ADAM10: variants seen among roughly 807,000 people sequenced by gnomAD.
ADAM10 encodes disintegrin and metalloproteinase domain-containing protein 10.
ADAM10 carries 17 observed loss-of-function variants against 90.1 expected under a neutral mutation model. The ratio of observed to expected loss-of-function variants is 0.19; its 90% confidence interval spans 0.13 to 0.28. The LOEUF (loss-of-function observed/expected upper bound fraction) is 0.28, where lower values mean the gene tolerates loss of function less well. ADAM10 is among the 10% of genes least tolerant of loss of function. ADAM10 has a pLI of 1.00. For synonymous variants in ADAM10, 310 were observed against 298.6 expected, an observed-to-expected ratio of 1.04 and a Z score of -0.40; for missense variants, 610 against 914.3, an observed-to-expected ratio of 0.67 and a Z score of 4.29.
chr15:58,686,666 A>T, intron 2 of ADAM10: 2 of 716,578 alleles, frequency 2.8e-6, no homozygotes, highest in South Asian at 3.0e-5. Context: ...GCACAAAGTG[A>T]TGAATGACTG....
intron 4 of ADAM10, among the ~76,000 whole-genome samples, chr15:58,676,691 C>T (rs1243808925): frequency 6.6e-6 from 1 of 152,052 alleles, no homozygotes; most frequent in Non-Finnish European, 1.5e-5. Flanking sequence ...GTGGCTTATA[C>T]CTGGAGTCCC....
At chr15:58,640,423 A>G (rs1193364483) in intron 8 of ADAM10, among the ~76,000 whole-genome samples, 3 of 152,128 alleles carry the variant, frequency 2.0e-5, no homozygotes, top group African/African-American at 7.2e-5. Flanking sequence ...TAAGTACCCT[A>G]TTTTGGAGGG....
At chr15:58,646,009 AT>A in intron 6 of ADAM10, 45 bp downstream of exon 6, 1 of 1,604,526 alleles carries the variant, frequency 6.2e-7, no homozygotes, top group African/African-American at 1.3e-5. Flanking sequence ...AATAGGCATT[AT>A]AAAACAATAT....
rs145022783 is a variant in ADAM10 at position 58,739,899 on chromosome 15, G to A, written c.55+9581C>T. ...ATGCCAATATCTGCTGAATGAAAAC[G>A]GGTGCATAACATGTATCCAGAAGTC... is the stretch of plus-strand genomic sequence containing the variant. On this transcript the variant is annotated intron_variant, in intron 1 of 15. Transcript: ENST00000260408. Among the ~76,000 whole-genome samples the A allele has an allele frequency of 1.4e-4, 21 of 152,284 alleles. No individual in the cohort carries two copies. The East Asian group carries it at 3.3e-3, about 24-fold the overall frequency.
At chr15:58,716,483 G>C (rs1337468551) in intron 2 of ADAM10, among the ~76,000 whole-genome samples, 1 of 152,164 alleles carries the variant, frequency 6.6e-6, no homozygotes, top group Non-Finnish European at 1.5e-5. Context: ...AAATGACACA[G>C]AACAAAGTTT....
At chr15:58,743,717 G>A (rs1899691371) in intron 1 of ADAM10, among the ~76,000 whole-genome samples, 1 of 151,868 alleles carries the variant, frequency 6.6e-6, no homozygotes, top group Non-Finnish European at 1.5e-5. Flanking sequence ...CGATTCTCCT[G>A]CCTCAGCTTC....
Position 58,691,141 on chromosome 15 carries a change from A to G in ADAM10, c.207-8827T>C, listed in dbSNP as rs1897772665. 1.6e-5 allele frequency: 11 copies of G among 693,748 alleles called. No homozygotes were observed. The East Asian group carries it at 2.7e-4, about 17-fold the overall frequency. 43.0% of individuals were successfully genotyped at this position (693,748 alleles called of 1,614,324 possible). On this transcript the variant is annotated intron_variant, in intron 2 of 15. Coordinates refer to ENST00000260408, the MANE Select transcript of ADAM10 (RefSeq NM_001110.4). The stretch of plus-strand genomic sequence containing the variant: ...CTGGTCACAATGCGGCAGGGTGAAG[A>G]CACAAGCCTACTGGAGATTGTCACC...
intron 2 of ADAM10, among the ~76,000 whole-genome samples, chr15:58,708,578 G>A (rs775018961): frequency 9.9e-5 from 15 of 152,128 alleles, no homozygotes; most frequent in Non-Finnish European, 2.2e-4. Context: ...TGGGAGGACT[G>A]CTTGAGCTCA....
intron 1 of ADAM10, among the ~76,000 whole-genome samples, chr15:58,720,360 A>G (rs1303704035): frequency 1.3e-5 from 2 of 151,358 alleles, no homozygotes; most frequent in African/African-American, 2.4e-5. Flanking sequence ...AAAACCCACT[A>G]GCATGAAACT....
intron 10 of ADAM10, among the ~76,000 whole-genome samples, chr15:58,625,036 C>T (rs1260389593): frequency 6.6e-6 from 1 of 151,980 alleles, no homozygotes; most frequent in African/African-American, 2.4e-5. Flanking sequence ...AGAAAAACAA[C>T]CACTGACAAT....
chr15:58,613,747 G>A (rs1176560850), intron 11 of ADAM10, among the ~76,000 whole-genome samples: 1 of 151,998 alleles, frequency 6.6e-6, no homozygotes, highest in African/African-American at 2.4e-5. Flanking sequence ...TACTCATTTA[G>A]GGGAAGGAAA....
At position 58,591,596 on chromosome 15, in the gene ADAM10, T is replaced by C. The variant is rs913504198; in HGVS notation, c.*5951A>G. 6.6e-6 allele frequency: 1 copy of C among 152,092 alleles called. No homozygotes were observed. Among genetic ancestry groups the C allele is most frequent in the Admixed American group, 6.5e-5 (1 of 15,274 alleles). 9.4% of individuals were successfully genotyped at this position (152,092 alleles called of 1,614,324 possible). A position where few individuals can be genotyped will look rare whatever the true frequency, so the allele number is the denominator to read the frequency against. Reference sequence around the variant, plus strand: ...AAACTTCTATGAAAAATTTCAAATATAAACACAGGTAGAGAAAATAGTATA... The same window carrying C: ...AAACTTCTATGAAAAATTTCAAATACAAACACAGGTAGAGAAAATAGTATA... On this transcript the variant is annotated 3_prime_UTR_variant, in exon 16 of 16. Coordinates refer to ENST00000260408, the MANE Select transcript of ADAM10 (RefSeq NM_001110.4).
intron 2 of ADAM10, chr15:58,703,733 T>A (rs553938605): frequency 6.6e-6 from 1 of 152,304 alleles, no homozygotes; most frequent in East Asian, 1.9e-4. Context: ...GGGGGCAGAT[T>A]TCCCCCTTGC....
At chr15:58,652,488 TG>T (rs1306128456) in intron 5 of ADAM10, among the ~76,000 whole-genome samples, 1 of 152,216 alleles carries the variant, frequency 6.6e-6, no homozygotes, top group Non-Finnish European at 1.5e-5. Context: ...CACCATTTAT[TG>T]AAGAGATTGT....
chr15:58,610,658 GGCTGGGTAAC>G, intron 13 of ADAM10, 141 bp from the exon 14 acceptor site: 2 of 835,190 alleles, frequency 2.4e-6, no homozygotes, highest in South Asian at 2.9e-5. Flanking sequence ...TCTCTAGTTA[GGCTGGGTAAC>G]GCCATCAGTA....
rs1894804969 is a variant in ADAM10, at chr15:58,590,646, T to C, written c.*6901A>G. On this transcript the variant is annotated 3_prime_UTR_variant, in exon 16 of 16. Coordinates refer to ENST00000260408, the MANE Select transcript of ADAM10 (RefSeq NM_001110.4). ...AACTAACCACAATCACAAAACTAAA[T>C]AATGAAGAATATATTGACACCTTAA... The C allele has an allele frequency of 1.3e-5, 2 of 152,156 alleles. No individual in the cohort carries two copies. The highest frequency in any genetic ancestry group is 2.9e-5 in the Non-Finnish European group (2 of 68,006). The allele number at this position is 152,156 out of a possible 1,614,324, so 9.4% of individuals were successfully genotyped here.
intron 14 of ADAM10, 133 bp from the exon 15 acceptor site, chr15:58,599,857 T>C: frequency 3.6e-6 from 3 of 824,740 alleles, no homozygotes; most frequent in Middle Eastern, 3.5e-4. Flanking sequence ...TTAGGAGTTG[T>C]ATACATATGT....
At position 58,599,719 on chromosome 15, in the gene ADAM10, A is replaced by G; in HGVS notation, c.2031T>C (p.His677=). 1.2e-6 allele frequency: 2 copies of G among 1,611,194 alleles called. No homozygotes were observed. The highest frequency in any genetic ancestry group is 1.7e-6 in the Non-Finnish European group (2 of 1,179,422). The change falls in exon 15 of 16, where the codon CAT becomes CAC. Residue 677 remains histidine (H), a synonymous_variant. Coordinates refer to ENST00000260408, the MANE Select transcript of ADAM10 (RefSeq NM_001110.4). ...TTCCCATAAGTAATACTGCCCACCA[A>G]TGAGCCTAGAAATAAACAGATTTTT... is the stretch of plus-strand genomic sequence containing the variant. The part of the protein sequence containing the change: ...YENIAEWIVA[H]WWAVLLMGIA...
chr15:58,650,106 TA>T (rs1896649179), intron 5 of ADAM10, among the ~76,000 whole-genome samples: 1 of 152,222 alleles, frequency 6.6e-6, no homozygotes, highest in African/African-American at 2.4e-5. Flanking sequence ...AATTTTCTGC[TA>T]AAATTTTAAA....
Sources: allele counts gnomAD v4.1 joint callset (sites outside exome capture counted in the v4.1 genomes callset), GRCh38; gene constraint gnomAD v4.1.1; transcripts MANE v1.5; gene names NCBI Gene and HGNC (gene_info 2026-07-23, HGNC 2026-07-21).